FOXK1: variants seen among roughly 807,000 people sequenced by gnomAD.
FOXK1 encodes forkhead box protein K1.
Under a neutral mutation model 51.9 loss-of-function variants are expected in FOXK1, and 19 were observed. That is an observed-to-expected ratio of 0.37 (90% confidence interval 0.26 to 0.54). The LOEUF is 0.54. Among genes scored for constraint, FOXK1 ranks in the 20% least tolerant of loss-of-function variants. The probability of loss-of-function intolerance (pLI) is 0.87; values close to 1 mark genes in which losing one functional copy is unlikely to be tolerated. For synonymous variants in FOXK1, 537 were observed against 482.6 expected (o/e 1.11, Z -1.48); for missense variants, 870 against 1,032.7 (o/e 0.84, Z 2.16).
chr7:4,709,788 C>A lies in FOXK1; in HGVS notation c.560+26920C>A, dbSNP rs10259200. Among the ~76,000 whole-genome samples, 1 of 152,128 alleles carries A rather than the reference C, an allele frequency of 6.6e-6. No homozygotes were observed. Among genetic ancestry groups the A allele is most frequent in the Non-Finnish European group, 1.5e-5 (1 of 68,022 alleles). ...TTGAGTGACCTCACGATGTGCTGTCCGTCTTCTCGCTGTTCAGCCAGCAGT... is the reference window on the plus strand; with the variant it reads ...TTGAGTGACCTCACGATGTGCTGTCAGTCTTCTCGCTGTTCAGCCAGCAGT... On this transcript the variant is annotated intron_variant, in intron 1 of 8. Transcript: ENST00000328914. The surrounding 1 kb of genome is among the most constrained non-coding windows in gnomAD (Gnocchi z 5.6).
chr7:4,753,277 C>G lies in FOXK1; in HGVS notation c.747-1182C>G, dbSNP rs1272981425. On this transcript the variant is annotated intron_variant, in intron 2 of 8. Coordinates refer to ENST00000328914, the MANE Select transcript of FOXK1 (RefSeq NM_001037165.2). This position sits in a 1 kb window ranked among gnomAD's most constrained non-coding sequence, Gnocchi z 4.9. ...AAATGTTTCTTGAGCCCCGCCTGCA[C>G]CCAAGGGGGCTCCTACTTAACCTAA... 6.6e-6 allele frequency among the ~76,000 whole-genome samples: 1 copy of G among 152,192 alleles called. No individual in the cohort carries two copies. Among genetic ancestry groups the G allele is most frequent in the Non-Finnish European group, 1.5e-5 (1 of 68,040 alleles).
Position 4,688,487 on chromosome 7 carries a change from C to T in FOXK1, c.560+5619C>T, listed in dbSNP as rs1228468064. ...ACTATCTTGGCTCACTGCAACCTCC[C>T]AGGTTCAAGCGATTCCCCCTGCCTC... On this transcript the variant is annotated intron_variant, in intron 1 of 8. Transcript: ENST00000328914. Among the ~76,000 whole-genome samples, 12 of 151,960 alleles carry T rather than the reference C, an allele frequency of 7.9e-5. No homozygotes were observed. In the East Asian group the frequency reaches 2.3e-3, roughly 29 times the overall value.
intron 2 of FOXK1, among the ~76,000 whole-genome samples, chr7:4,746,873 G>A (rs1243375351): frequency 6.6e-6 from 1 of 152,194 alleles, no homozygotes; most frequent in Non-Finnish European, 1.5e-5. Context: ...TTGTCTGCCT[G>A]TCCCTGTCCC....
At position 4,766,164 on chromosome 7, in the gene FOXK1, C is replaced by G. The variant is rs976345744; in HGVS notation, c.*3700C>G. 1 of 152,344 alleles carries G rather than the reference C, an allele frequency of 6.6e-6. No homozygotes were observed. The highest frequency in any genetic ancestry group is 6.5e-5 in the Admixed American group (1 of 15,298). The allele number at this position is 152,344 out of a possible 1,614,324, so 9.4% of individuals were successfully genotyped here. On this transcript the variant is annotated 3_prime_UTR_variant, in exon 9 of 9. Transcript: ENST00000328914. The surrounding 1 kb of genome is among the most constrained non-coding windows in gnomAD (Gnocchi z 5.5). Reference sequence around the variant, plus strand: ...TTTGAGGGACCCAGATGGACCATCCCTCTTCTGCTTGCTTTCTACATTCCT... The same window carrying G: ...TTTGAGGGACCCAGATGGACCATCCGTCTTCTGCTTGCTTTCTACATTCCT...
chr7:4,760,990 C>T, intron 7 of FOXK1, 74 bp from the exon 8 acceptor site: 2 of 1,443,740 alleles, frequency 1.4e-6, no homozygotes, highest in South Asian at 1.2e-5. Context: ...CTTGTCCGAC[C>T]TGCTGCCCAG....
At chr7:4,736,078 G>A (rs898461936) in intron 1 of FOXK1, among the ~76,000 whole-genome samples, 16 of 152,120 alleles carry the variant, frequency 1.1e-4, no homozygotes, top group African/African-American at 3.4e-4. Flanking sequence ...GAACCTGGGA[G>A]GCGGAGGTTG....
In FOXK1 at chr7:4,765,095, T is replaced by G. The variant is rs1464492705; in HGVS notation, c.*2631T>G. 1 of 153,702 alleles carries G rather than the reference T, an allele frequency of 6.5e-6. No homozygotes were observed. Among genetic ancestry groups the G allele is most frequent in the Non-Finnish European group, 1.4e-5 (1 of 69,174 alleles). The allele number at this position is 153,702 out of a possible 1,614,324, so 9.5% of individuals were successfully genotyped here. A position where few individuals can be genotyped will look rare whatever the true frequency, so the allele number is the denominator to read the frequency against. The stretch of plus-strand genomic sequence containing the variant: ...AAAGAGGGATGAAGGGACGTGGTCC[T>G]AGGGGTCGGCTCAGACTCGGAGCAG... On this transcript the variant is annotated 3_prime_UTR_variant, in exon 9 of 9. Coordinates refer to ENST00000328914, the MANE Select transcript of FOXK1 (RefSeq NM_001037165.2).
rs1220499885 is a variant in FOXK1, at chr7:4,769,246, C to G, written c.*6782C>G. Reference sequence around the variant, plus strand: ...GGAAAATGCGTTGAAAAGAAAAATACCGGGGCCAGGGAGAAGCCGTGAATG... The same window carrying G: ...GGAAAATGCGTTGAAAAGAAAAATAGCGGGGCCAGGGAGAAGCCGTGAATG... On this transcript the variant is annotated 3_prime_UTR_variant, in exon 9 of 9. Transcript: ENST00000328914. This position sits in a 1 kb window ranked among gnomAD's most constrained non-coding sequence, Gnocchi z 4.1. 1 of 152,124 alleles carries G rather than the reference C, an allele frequency of 6.6e-6. No individual in the cohort carries two copies. Among genetic ancestry groups the G allele is most frequent in the Admixed American group, 6.5e-5 (1 of 15,268 alleles). 9.4% of individuals were successfully genotyped at this position (152,124 alleles called of 1,614,324 possible).
rs1780742271 is a variant in FOXK1 at position 4,749,042 on chromosome 7, T to G, written c.747-5417T>G. Among the ~76,000 whole-genome samples, 1 of 152,222 alleles carries G rather than the reference T, an allele frequency of 6.6e-6. No individual in the cohort carries two copies. The highest frequency in any genetic ancestry group is 2.4e-5 in the African/African-American group (1 of 41,462). The stretch of plus-strand genomic sequence containing the variant: ...CTGGCGGGCCTCTGAGCTGAGTCTC[T>G]CATGCCTCTCCTTTCCTTTCTCTCT... On this transcript the variant is annotated intron_variant, in intron 2 of 8. Transcript: ENST00000328914. This position sits in a 1 kb window ranked among gnomAD's most constrained non-coding sequence, Gnocchi z 6.0.
chr7:4,705,157 A>T (rs1415809438), intron 1 of FOXK1, among the ~76,000 whole-genome samples: 1 of 151,914 alleles, frequency 6.6e-6, no homozygotes, highest in Non-Finnish European at 1.5e-5. Context: ...ATCAGTCTAC[A>T]TTCTCCAATT....
In FOXK1 at chr7:4,766,138, C is replaced by T. The variant is rs936502488; in HGVS notation, c.*3674C>T. ...TGAGGGTGGAATCTGTCACTCATGC[C>T]TTTGAGGGACCCAGATGGACCATCC... On this transcript the variant is annotated 3_prime_UTR_variant, in exon 9 of 9. Transcript: ENST00000328914. This position sits in a 1 kb window ranked among gnomAD's most constrained non-coding sequence, Gnocchi z 5.5. 1 of 152,224 alleles carries T rather than the reference C, an allele frequency of 6.6e-6. No individual in the cohort carries two copies. The highest frequency in any genetic ancestry group is 1.5e-5 in the Non-Finnish European group (1 of 68,058). The allele number at this position is 152,224 out of a possible 1,614,324, so 9.4% of individuals were successfully genotyped here.
intron 1 of FOXK1, among the ~76,000 whole-genome samples, chr7:4,688,550 G>A (rs1057139341): frequency 5.3e-5 from 8 of 151,878 alleles, no homozygotes; most frequent in East Asian, 3.9e-4. Flanking sequence ...CGCTCGCCAC[G>A]ACACCTGGCT....
In FOXK1 at chr7:4,763,497, C is replaced by T. The variant is rs190263181; in HGVS notation, c.*1033C>T. 1.3e-5 allele frequency: 2 copies of T among 152,538 alleles called. No homozygotes were observed. Among genetic ancestry groups the T allele is most frequent in the African/African-American group, 4.8e-5 (2 of 41,600 alleles). 9.4% of individuals were successfully genotyped at this position (152,538 alleles called of 1,614,324 possible). ...ATTGATCTGCTGTTTTCAATTGGAA[C>T]CATTTCTCCTGCCTGAAACTCCAGG... On this transcript the variant is annotated 3_prime_UTR_variant, in exon 9 of 9. Coordinates refer to ENST00000328914, the MANE Select transcript of FOXK1 (RefSeq NM_001037165.2).
intron 1 of FOXK1, among the ~76,000 whole-genome samples, chr7:4,728,149 G>GT (rs1026670179): frequency 2.2e-4 from 33 of 152,144 alleles, no homozygotes; most frequent in Non-Finnish European, 5.9e-5. Flanking sequence ...CAGTTCTGTT[G>GT]GCAGCCCCCC....
intron 2 of FOXK1, among the ~76,000 whole-genome samples, chr7:4,746,701 T>C (rs1780706787): frequency 1.3e-5 from 2 of 152,126 alleles, no homozygotes; most frequent in Non-Finnish European, 2.9e-5. Context: ...AAATTAATAA[T>C]TAAAAAACAC....
In FOXK1 at chr7:4,762,084, C is replaced by T. The variant is rs1437759382; in HGVS notation, c.1922-100C>T. 1.0e-5 allele frequency: 14 copies of T among 1,394,736 alleles called. No individual in the cohort carries two copies. Among genetic ancestry groups the T allele is most frequent in the South Asian group, 1.4e-5 (1 of 71,210 alleles). The allele number at this position is 1,394,736 out of a possible 1,614,324, so 86.4% of individuals were successfully genotyped here. On this transcript the variant is annotated intron_variant, in intron 8 of 8. Coordinates refer to ENST00000328914, the MANE Select transcript of FOXK1 (RefSeq NM_001037165.2). The surrounding 1 kb of genome is among the most constrained non-coding windows in gnomAD (Gnocchi z 5.7). ...TGCCTGGCAGGGGTGCACTGACCTCCGGTTCCGGCTTGGTGGCTTAGCCCC... is the reference window on the plus strand; with the variant it reads ...TGCCTGGCAGGGGTGCACTGACCTCTGGTTCCGGCTTGGTGGCTTAGCCCC...
rs143036388 is a variant in FOXK1, at chr7:4,747,669, A to G, written c.746+6646A>G. On this transcript the variant is annotated intron_variant, in intron 2 of 8. Coordinates refer to ENST00000328914, the MANE Select transcript of FOXK1 (RefSeq NM_001037165.2). The surrounding 1 kb of genome is among the most constrained non-coding windows in gnomAD (Gnocchi z 9.2). ...TCCCACTGCAGCCTCCTGAGTAGCT[A>G]GGACTACAGGCACCCACCACCACAC... Among the ~76,000 whole-genome samples the G allele has an allele frequency of 5.0e-3, 743 of 149,710 alleles. 9 individuals carry two copies. The highest frequency in any genetic ancestry group is 0.016 in the African/African-American group (667 of 40,614).
In FOXK1 at chr7:4,761,023, C is replaced by T. The variant is rs747877964; in HGVS notation, c.1697-41C>T. 1.0e-5 allele frequency: 16 copies of T among 1,574,134 alleles called. No homozygotes were observed. The highest frequency in any genetic ancestry group is 8.9e-5 in the South Asian group (8 of 90,146). On this transcript the variant is annotated intron_variant, in intron 7 of 8. Coordinates refer to ENST00000328914, the MANE Select transcript of FOXK1 (RefSeq NM_001037165.2). The surrounding 1 kb of genome is among the most constrained non-coding windows in gnomAD (Gnocchi z 6.2). The stretch of plus-strand genomic sequence containing the variant: ...CAGGCGTCGAGGAAATCGATTGTCT[C>T]GTTGGCCGAGTGTGGTGCTGACTTG...
intron 2 of FOXK1, among the ~76,000 whole-genome samples, chr7:4,742,695 G>T (rs571981352): frequency 2.0e-5 from 3 of 152,284 alleles, no homozygotes; most frequent in Admixed American, 2.0e-4. Context: ...GAGGTTACAG[G>T]TGTGAGCCAA....
Sources: allele counts gnomAD v4.1 joint callset (sites outside exome capture counted in the v4.1 genomes callset), GRCh38; gene constraint gnomAD v4.1.1; non-coding constraint Gnocchi (gnomAD v3.1); transcripts MANE v1.5; gene names NCBI Gene and HGNC (gene_info 2026-07-23, HGNC 2026-07-21).